GALNTL6: variants seen among roughly 807,000 people sequenced by gnomAD.
GALNTL6 encodes the protein polypeptide N-acetylgalactosaminyltransferase like 6.
In GALNTL6, 46 loss-of-function variants were observed where a neutral mutation model predicts 73.7. That is an observed-to-expected ratio of 0.62 (90% confidence interval 0.49 to 0.80). The LOEUF is 0.80. Among genes scored for constraint, GALNTL6 ranks in the 30% least tolerant of loss-of-function variants. The pLI, the probability that GALNTL6 is intolerant of heterozygous loss-of-function variation, is 0.00. For missense variants in GALNTL6, 604 were observed against 755.0 expected (o/e 0.80, Z 2.34); for synonymous variants, 259 against 263.7 (o/e 0.98, Z 0.17).
Position 171,814,615 on chromosome 4 carries a change from CTT to C in GALNTL6, c.37_38del (p.Leu13ValfsTer11). ...AAACAGAAGAGATTTCTGCAGATGA[CTT>C]TGTTGTTCACGGTGGCTTTAATTTT... On this transcript the variant is annotated frameshift_variant, in exon 2 of 13. Coordinates refer to ENST00000506823, the MANE Select transcript of GALNTL6 (RefSeq NM_001034845.3). LOFTEE classifies it high-confidence loss of function. 6.2e-7 allele frequency: 1 copy of C among 1,614,076 alleles called. No homozygotes were observed. Among genetic ancestry groups the C allele is most frequent in the Non-Finnish European group, 8.5e-7 (1 of 1,179,986 alleles).
intron 3 of GALNTL6, among the ~76,000 whole-genome samples, chr4:172,234,311 G>C (rs1737169643): frequency 6.6e-6 from 1 of 151,970 alleles, no homozygotes; most frequent in Non-Finnish European, 1.5e-5. Context: ...TGGTAATAAT[G>C]GCTACTTTTG....
intron 2 of GALNTL6, among the ~76,000 whole-genome samples, chr4:171,834,390 T>G (rs774452815): frequency 2.6e-5 from 4 of 151,970 alleles, no homozygotes; most frequent in Non-Finnish European, 4.4e-5. Flanking sequence ...GAGTTTTCCT[T>G]ATTACAACAT....
chr4:172,351,084 T>G (rs1391233951), intron 5 of GALNTL6, among the ~76,000 whole-genome samples: 2 of 152,152 alleles, frequency 1.3e-5, no homozygotes, highest in Non-Finnish European at 2.9e-5. Flanking sequence ...TATTGATTTC[T>G]ACTCACCAAA....
intron 5 of GALNTL6, among the ~76,000 whole-genome samples, chr4:172,534,728 C>T (rs763929589): frequency 4.6e-5 from 7 of 152,000 alleles, no homozygotes; most frequent in South Asian, 2.1e-4. Flanking sequence ...ACCACCATGC[C>T]GGCTAATTTT....
intron 5 of GALNTL6, among the ~76,000 whole-genome samples, chr4:172,517,986 T>C (rs562606842): frequency 3.3e-5 from 5 of 152,196 alleles, no homozygotes; most frequent in East Asian, 1.9e-4. Flanking sequence ...CAATAGGTGA[T>C]TCCTAAAGGC....
At chr4:172,924,102 G>A (rs1212335061) in intron 8 of GALNTL6, among the ~76,000 whole-genome samples, 2 of 152,156 alleles carry the variant, frequency 1.3e-5, no homozygotes, top group Admixed American at 6.6e-5. Flanking sequence ...TTAAGACAGA[G>A]GTGAAAACTT....
At chr4:172,167,876 G>T (rs56401773) in intron 2 of GALNTL6, among the ~76,000 whole-genome samples, 1 of 147,994 alleles carries the variant, frequency 6.8e-6, no homozygotes, top group Non-Finnish European at 1.5e-5. Context: ...GGAGAATGGC[G>T]TGAACCCGGG....
chr4:172,963,774 G>A (rs1190617799), intron 10 of GALNTL6, among the ~76,000 whole-genome samples: 1 of 152,190 alleles, frequency 6.6e-6, no homozygotes, highest in East Asian at 1.9e-4. Flanking sequence ...TGATTCTCAT[G>A]AACAGTCGGG....
rs79159200 is a variant in GALNTL6, at chr4:172,472,896, A to G, written c.553+124207A>G. Among the ~76,000 whole-genome samples, 927 of 152,242 alleles carry G rather than the reference A, an allele frequency of 6.1e-3. 11 individuals are homozygous for G. Among genetic ancestry groups the G allele is most frequent in the African/African-American group, 0.021 (892 of 41,538 alleles). On this transcript the variant is annotated intron_variant, in intron 5 of 12. Coordinates refer to ENST00000506823, the MANE Select transcript of GALNTL6 (RefSeq NM_001034845.3). Reference sequence around the variant, plus strand: ...TTTGTTGCTTTAAGCCCCCCATTTTATGGTACTTTGTTACTGCAGCCCTCA... The same window carrying G: ...TTTGTTGCTTTAAGCCCCCCATTTTGTGGTACTTTGTTACTGCAGCCCTCA...
chr4:171,850,220 C>G (rs1294843805), intron 2 of GALNTL6, among the ~76,000 whole-genome samples: 2 of 152,148 alleles, frequency 1.3e-5, no homozygotes. Flanking sequence ...GATCTGCCCA[C>G]CCCAGCCTCC....
chr4:172,171,557 G>A (rs761441294), intron 2 of GALNTL6, among the ~76,000 whole-genome samples: 3 of 151,936 alleles, frequency 2.0e-5, no homozygotes, highest in Admixed American at 6.6e-5. Flanking sequence ...GGCTAGGTGC[G>A]GTGGCTTATG....
Position 172,675,342 on chromosome 4 carries a change from C to T in GALNTL6, c.554-134019C>T, listed in dbSNP as rs77728840. ...GCTCCCCAAGGTTTGGAATCCACTG[C>T]GCTGTGAAGGCCAAGGTGCAGCAAC... is the stretch of plus-strand genomic sequence containing the variant. On this transcript the variant is annotated intron_variant, in intron 5 of 12. Coordinates refer to ENST00000506823, the MANE Select transcript of GALNTL6 (RefSeq NM_001034845.3). 7.5e-3 allele frequency among the ~76,000 whole-genome samples: 1,142 copies of T among 152,304 alleles called. 13 individuals are homozygous for T. The highest frequency in any genetic ancestry group is 0.026 in the African/African-American group (1,071 of 41,566).
chr4:172,356,963 C>G (rs984743906), intron 5 of GALNTL6, among the ~76,000 whole-genome samples: 1 of 152,084 alleles, frequency 6.6e-6, no homozygotes, highest in African/African-American at 2.4e-5. Context: ...TATAGACATT[C>G]TAGATAATTG....
At chr4:172,960,375 C>G (rs143733057) in intron 10 of GALNTL6, among the ~76,000 whole-genome samples, 1 of 151,974 alleles carries the variant, frequency 6.6e-6, no homozygotes, top group Non-Finnish European at 1.5e-5. Flanking sequence ...TAAGCCAGAC[C>G]GGGTGTGAGG....
At chr4:172,997,334 G>A (rs1751840040) in intron 10 of GALNTL6, among the ~76,000 whole-genome samples, 1 of 152,124 alleles carries the variant, frequency 6.6e-6, no homozygotes, top group Non-Finnish European at 1.5e-5. Context: ...CTGTCTGCTG[G>A]TTGGATAGTA....
intron 4 of GALNTL6, among the ~76,000 whole-genome samples, chr4:172,319,599 T>TGA (rs1165558832): frequency 4.6e-5 from 7 of 152,282 alleles, no homozygotes; most frequent in Admixed American, 2.0e-4. Context: ...AAAACATACT[T>TGA]TATCAAGATT....
intron 2 of GALNTL6, among the ~76,000 whole-genome samples, chr4:171,976,461 T>C (rs1467328015): frequency 1.3e-5 from 2 of 152,202 alleles, no homozygotes; most frequent in Non-Finnish European, 2.9e-5. Flanking sequence ...TATAATAATT[T>C]CCATGTATAA....
intron 3 of GALNTL6, among the ~76,000 whole-genome samples, chr4:172,308,270 G>T (rs1461329724): frequency 2.0e-5 from 3 of 151,576 alleles, no homozygotes; most frequent in Non-Finnish European, 4.4e-5. Flanking sequence ...TATCATTGGT[G>T]AACCATGACA....
chr4:172,336,491 G>A (rs191255986), intron 4 of GALNTL6, among the ~76,000 whole-genome samples: 94 of 150,368 alleles, frequency 6.3e-4, no homozygotes, highest in African/African-American at 2.1e-3. Flanking sequence ...TGGTCAGGCT[G>A]GTCTCAAACT....
Sources: allele counts gnomAD v4.1 joint callset (sites outside exome capture counted in the v4.1 genomes callset), GRCh38; gene constraint gnomAD v4.1.1; transcripts MANE v1.5; gene names NCBI Gene and HGNC (gene_info 2026-07-23, HGNC 2026-07-21).